The following MLYCD variants were observed in gnomAD, a reference collection of about 807,000 sequenced individuals.
MLYCD encodes malonyl-CoA decarboxylase.
A neutral mutation model predicts 35.8 loss-of-function variants in MLYCD; 27 were observed. That is an observed-to-expected ratio of 0.75 (90% confidence interval 0.56 to 1.04). The LOEUF is 1.04. Ranked by LOEUF, MLYCD falls within the 50% of genes least tolerant of loss-of-function variation. The probability of loss-of-function intolerance (pLI) is 0.00; values close to 1 mark genes in which losing one functional copy is unlikely to be tolerated. For synonymous variants in MLYCD, 403 were observed against 302.4 expected, an observed-to-expected ratio of 1.33 and a Z score of -3.45; for missense variants, 917 against 665.1, an observed-to-expected ratio of 1.38 and a Z score of -4.17.
rs747617187 is a variant in MLYCD, at chr16:83,915,160, G to A, written c.1153G>A (p.Val385Met). The change falls in exon 5 of 5, where the codon GTG becomes ATG. Residue 385 changes from valine (V) to methionine (M), a missense_variant. Transcript: ENST00000262430. ...LKLLLSSSEW[V>M]QSEKLVRALQ... is the part of the protein sequence containing the mutation. ...GCTCCTCCTCAGCAGCAGCGAGTGGGTGCAGTCGGAGAAGCTGGTGCGGGC... is the reference window on the plus strand; with the variant it reads ...GCTCCTCCTCAGCAGCAGCGAGTGGATGCAGTCGGAGAAGCTGGTGCGGGC... The A allele has an allele frequency of 7.0e-5, 113 of 1,614,104 alleles. No individual in the cohort carries two copies. The South Asian group carries it at 1.1e-3, about 16-fold the overall frequency.
intron 3 of MLYCD, among the ~76,000 whole-genome samples, chr16:83,908,791 G>C (rs75179231): frequency 0.073 from 11,066 of 152,240 alleles, 482 homozygotes; most frequent in East Asian, 0.11. Flanking sequence ...CTCTGCTCCT[G>C]GATGAGTTTG....
chr16:83,905,449 G>C (rs1906939832), intron 1 of MLYCD, among the ~76,000 whole-genome samples: 3 of 152,114 alleles, frequency 2.0e-5, no homozygotes, highest in South Asian at 2.1e-4. Flanking sequence ...AAGTTTGTCT[G>C]TCATGTGAAA....
At position 83,920,322 on chromosome 16, in the gene MLYCD, A is replaced by G. The variant is rs1907609847; in HGVS notation, c.*4833A>G. On this transcript the variant is annotated 3_prime_UTR_variant, in exon 5 of 5. Transcript: ENST00000262430. ...TTCCTCAAAACCTTTTTGGGCAGCTAGCAGCTTTGACTAGCAGCTCATCTC... is the reference window on the plus strand; with the variant it reads ...TTCCTCAAAACCTTTTTGGGCAGCTGGCAGCTTTGACTAGCAGCTCATCTC... 2 of 152,184 alleles carry G rather than the reference A, an allele frequency of 1.3e-5. No individual in the cohort carries two copies. The highest frequency in any genetic ancestry group is 2.9e-5 in the Non-Finnish European group (2 of 68,028). The allele number at this position is 152,184 out of a possible 1,614,324, so 9.4% of individuals were successfully genotyped here. A position where few individuals can be genotyped will look rare whatever the true frequency, so the allele number is the denominator to read the frequency against.
chr16:83,914,825 T>TATC, intron 4 of MLYCD, 131 bp from the exon 5 acceptor site: 1 of 1,278,822 alleles, frequency 7.8e-7, no homozygotes, highest in Non-Finnish European at 1.1e-6. Flanking sequence ...AAACAACATG[T>TATC]ATCAGATGTC....
rs948634226 is a variant in MLYCD at position 83,916,273 on chromosome 16, G to A, written c.*784G>A. On this transcript the variant is annotated 3_prime_UTR_variant, in exon 5 of 5. Coordinates refer to ENST00000262430, the MANE Select transcript of MLYCD (RefSeq NM_012213.3). ...CAGCCTACGGGGAGTTTGGGATGAA[G>A]GAGCCTGGGGTGTGTTGGATGAGAA... The A allele has an allele frequency of 8.0e-6, 7 of 872,828 alleles. No homozygotes were observed. The highest frequency in any genetic ancestry group is 2.8e-6 in the Non-Finnish European group (2 of 725,430). 54.1% of individuals were successfully genotyped at this position (872,828 alleles called of 1,614,324 possible).
rs774579021 is a variant in MLYCD, at chr16:83,899,774, C to G, written c.528+102C>G. ...GTCCCACACACCCCGCCTTCCCTGCCCGATAGCACGCTCACTTCGCCCGCA... is the reference window on the plus strand; with the variant it reads ...GTCCCACACACCCCGCCTTCCCTGCGCGATAGCACGCTCACTTCGCCCGCA... On this transcript the variant is annotated intron_variant, in intron 1 of 4. Transcript: ENST00000262430. The G allele has an allele frequency of 1.2e-4, 160 of 1,330,890 alleles. 1 individual carries two copies. Among genetic ancestry groups the G allele is most frequent in the Non-Finnish European group, 1.5e-4 (151 of 1,010,134 alleles). 82.4% of individuals were successfully genotyped at this position (1,330,890 alleles called of 1,614,324 possible).
At chr16:83,914,256 T>G (rs887213187) in intron 4 of MLYCD, 3 of 157,748 alleles carry the variant, frequency 1.9e-5, no homozygotes, top group Non-Finnish European at 4.2e-5. Context: ...TCATGTGATA[T>G]GGAGAGATAC....
Position 83,918,459 on chromosome 16 carries a change from GGTGCACAGGAGAACACACACA to G in MLYCD, c.*2987_*3007del, listed in dbSNP as rs201602466. ...GGTGCACAGGAGAACACGCACACAC[GGTGCACAGGAGAACACACACA>G]GTGCACAGGAGAACACGCACAGTGC... On this transcript the variant is annotated 3_prime_UTR_variant, in exon 5 of 5. Coordinates refer to ENST00000262430, the MANE Select transcript of MLYCD (RefSeq NM_012213.3). The G allele has an allele frequency of 0.013, 1,564 of 122,860 alleles. No individual in the cohort carries two copies. The highest frequency in any genetic ancestry group is 0.039 in the East Asian group (139 of 3,572). 7.6% of individuals were successfully genotyped at this position (122,860 alleles called of 1,614,324 possible). A position where few individuals can be genotyped will look rare whatever the true frequency, so the allele number is the denominator to read the frequency against.
rs1347604047 is a variant in MLYCD at position 83,919,591 on chromosome 16, C to T, written c.*4102C>T. 2 of 151,642 alleles carry T rather than the reference C, an allele frequency of 1.3e-5. No homozygotes were observed. The highest frequency in any genetic ancestry group is 6.6e-5 in the Admixed American group (1 of 15,170). The allele number at this position is 151,642 out of a possible 1,614,324, so 9.4% of individuals were successfully genotyped here. On this transcript the variant is annotated 3_prime_UTR_variant, in exon 5 of 5. Transcript: ENST00000262430. ...CACGGTGATCAGAACACACAGTGCACAGGAGAACACACAGTGCACAGAACA... is the reference window on the plus strand; with the variant it reads ...CACGGTGATCAGAACACACAGTGCATAGGAGAACACACAGTGCACAGAACA...
intron 2 of MLYCD, 33 bp downstream of exon 2, chr16:83,907,132 T>A: frequency 6.6e-7 from 1 of 1,520,332 alleles, no homozygotes; most frequent in Non-Finnish European, 9.1e-7. Flanking sequence ...TCTTTGTACA[T>A]ACATTTTTCA....
chr16:83,917,186 T>G lies in MLYCD; in HGVS notation c.*1697T>G, dbSNP rs532253150. On this transcript the variant is annotated 3_prime_UTR_variant, in exon 5 of 5. Coordinates refer to ENST00000262430, the MANE Select transcript of MLYCD (RefSeq NM_012213.3). ...GCGTGTGCACGAGCGTCTCTGTGTG[T>G]GTCAGTGCACGTCTGTGTGTGCACG... is the stretch of plus-strand genomic sequence containing the variant. 3.6e-5 allele frequency: 5 copies of G among 139,072 alleles called. 1 individual carries two copies. Among genetic ancestry groups the G allele is most frequent in the East Asian group, 4.4e-4 (2 of 4,498 alleles). The allele number at this position is 139,072 out of a possible 1,614,324, so 8.6% of individuals were successfully genotyped here.
chr16:83,904,370 G>A (rs1906904467), intron 1 of MLYCD, among the ~76,000 whole-genome samples: 1 of 152,098 alleles, frequency 6.6e-6, no homozygotes, highest in South Asian at 2.1e-4. Context: ...CAGTGTTTTG[G>A]GGGCAGGGCC....
chr16:83,906,892 G>C, intron 1 of MLYCD, 95 bp from the exon 2 acceptor site: 1 of 1,015,126 alleles, frequency 9.9e-7, no homozygotes, highest in Non-Finnish European at 1.6e-6. Flanking sequence ...TATGTATCGT[G>C]CTTGAGTGTT....
Position 83,899,691 on chromosome 16 carries a change from T to TCGAC in MLYCD, c.528+20_528+21insGACC. On this transcript the variant is annotated intron_variant, in intron 1 of 4. Coordinates refer to ENST00000262430, the MANE Select transcript of MLYCD (RefSeq NM_012213.3). ...CGTCCGGGTAAGGGGCCGCCGTCGA[T>TCGAC]CCCCCGGCAGCGCGGACTGGCCGCC... 1 of 1,499,642 alleles carries TCGAC rather than the reference T, an allele frequency of 6.7e-7. No homozygotes were observed. The highest frequency in any genetic ancestry group is 2.1e-5 in the Admixed American group (1 of 48,174). 92.9% of individuals were successfully genotyped at this position (1,499,642 alleles called of 1,614,324 possible).
intron 1 of MLYCD, among the ~76,000 whole-genome samples, chr16:83,902,504 A>ATTT (rs67006643): frequency 3.4e-4 from 44 of 127,542 alleles, no homozygotes; most frequent in Non-Finnish European, 4.9e-4. Flanking sequence ...TTTTAATCTG[A>ATTT]TTTTTTTTTT....
In MLYCD at chr16:83,899,153, C is replaced by T. The variant is rs1417139377; in HGVS notation, c.9C>T (p.Gly3=). The T allele has an allele frequency of 5.2e-6, 6 of 1,147,260 alleles. No individual in the cohort carries two copies. Among genetic ancestry groups the T allele is most frequent in the East Asian group, 5.1e-5 (1 of 19,628 alleles). The allele number at this position is 1,147,260 out of a possible 1,614,324, so 71.1% of individuals were successfully genotyped here. A position where few individuals can be genotyped will look rare whatever the true frequency, so the allele number is the denominator to read the frequency against. Residue 3 remains glycine (G), a synonymous_variant, in exon 1 of 5, where the codon GGC becomes GGT. Transcript: ENST00000262430. ...AGCTGTTGTGGGGCACCATGCGAGGCTTCGGGCCAGGCTTGACGGCCAGGC... is the reference window on the plus strand; with the variant it reads ...AGCTGTTGTGGGGCACCATGCGAGGTTTCGGGCCAGGCTTGACGGCCAGGC... MR[G]FGPGLTARRL... is the part of the protein sequence containing the mutation.
intron 1 of MLYCD, among the ~76,000 whole-genome samples, chr16:83,905,191 C>G (rs763403110): frequency 1.3e-5 from 2 of 151,902 alleles, no homozygotes; most frequent in Non-Finnish European, 2.9e-5. Context: ...CCACTGCACT[C>G]CAGCCTGGGT....
At chr16:83,904,047 G>A (rs1446383824) in intron 1 of MLYCD, among the ~76,000 whole-genome samples, 2 of 152,170 alleles carry the variant, frequency 1.3e-5, no homozygotes, top group East Asian at 1.9e-4. Context: ...CCCAGTTCTC[G>A]TGTACCAGTG....
intron 1 of MLYCD, among the ~76,000 whole-genome samples, chr16:83,901,801 T>G (rs1906795514): frequency 6.6e-6 from 1 of 152,178 alleles, no homozygotes; most frequent in Non-Finnish European, 1.5e-5. Context: ...ATTCACAAGT[T>G]TCCTTGCTTT....
Sources: allele counts gnomAD v4.1 joint callset (sites outside exome capture counted in the v4.1 genomes callset), GRCh38; gene constraint gnomAD v4.1.1; transcripts MANE v1.5; gene names NCBI Gene and HGNC (gene_info 2026-07-23, HGNC 2026-07-21).